LMLN: variants seen among roughly 807,000 people sequenced by gnomAD.
LMLN encodes the protein leishmanolysin like peptidase, also known as leishmanolysin-like peptidase.
Under a neutral mutation model 92.3 loss-of-function variants are expected in LMLN, and 70 were observed. The ratio of observed to expected loss-of-function variants is 0.76; its 90% CI spans 0.63 to 0.92. The LOEUF is 0.92. Among genes scored for constraint, LMLN ranks in the 40% least tolerant of loss-of-function variants. The pLI, the probability that LMLN is intolerant of heterozygous loss-of-function variation, is 0.00. For missense variants in LMLN, 691 were observed against 814.6 expected, an observed-to-expected ratio of 0.85 and a Z score of 1.85; for synonymous variants, 308 against 296.2, an observed-to-expected ratio of 1.04 and a Z score of -0.41.
chr3:197,974,118 A>T (rs1200583750), intron 1 of LMLN, among the ~76,000 whole-genome samples: 1 of 152,232 alleles, frequency 6.6e-6, no homozygotes, highest in Non-Finnish European at 1.5e-5. Context: ...AGTGACAGAG[A>T]ACCCTAAAAG....
At chr3:198,036,594 A>C (rs1560159458) in intron 15 of LMLN, among the ~76,000 whole-genome samples, 1 of 152,134 alleles carries the variant, frequency 6.6e-6, no homozygotes, top group Non-Finnish European at 1.5e-5. Context: ...GACTCCAGAG[A>C]ATGGAACTGG....
intron 13 of LMLN, among the ~76,000 whole-genome samples, chr3:198,024,370 C>T (rs149896515): frequency 0.041 from 6,176 of 151,834 alleles, 166 homozygotes; most frequent in East Asian, 0.092. Context: ...CGCCCGCCAC[C>T]GCGCCCGGCT....
intron 5 of LMLN, among the ~76,000 whole-genome samples, chr3:197,977,858 T>C (rs1170450318): frequency 6.6e-6 from 1 of 150,554 alleles, no homozygotes; most frequent in African/African-American, 2.4e-5. Context: ...TGGATACATA[T>C]AAAAATCATC....
chr3:197,975,493 A>G (rs1721345455), intron 3 of LMLN, among the ~76,000 whole-genome samples: 1 of 148,262 alleles, frequency 6.7e-6, no homozygotes, highest in South Asian at 2.1e-4. Context: ...ACGCATGCAC[A>G]CACACGCGCA....
intron 1 of LMLN, among the ~76,000 whole-genome samples, chr3:197,965,657 A>G (rs961943521): frequency 2.6e-5 from 4 of 152,220 alleles, no homozygotes; most frequent in Non-Finnish European, 4.4e-5. Context: ...ACTCATGCCT[A>G]TAAGTCTAGC....
At chr3:197,974,536 G>A in intron 2 of LMLN, 62 bp downstream of exon 2, 1 of 882,548 alleles carries the variant, frequency 1.1e-6, no homozygotes, top group Non-Finnish European at 1.7e-6. Context: ...AGATATTTTT[G>A]TCTGTTACCT....
chr3:197,982,223 C>CGT (rs1451052264), intron 6 of LMLN, among the ~76,000 whole-genome samples: 1 of 116,540 alleles, frequency 8.6e-6, no homozygotes, highest in African/African-American at 3.5e-5. Context: ...CAGTTACCTT[C>CGT]TTTTTTTTTT....
chr3:197,988,636 A>G (rs144888241), intron 8 of LMLN, among the ~76,000 whole-genome samples: 1,990 of 151,762 alleles, frequency 0.013, 44 homozygotes, highest in African/African-American at 0.045. Flanking sequence ...CTGGGACTAC[A>G]GGAGTGTGCC....
At position 198,018,012 on chromosome 3, in the gene LMLN, C is replaced by A. The variant is rs544906865; in HGVS notation, c.1233-1241C>A. On this transcript the variant is annotated intron_variant, in intron 11 of 15. Coordinates refer to ENST00000330198, the Ensembl canonical transcript of LMLN. ...CATATTGGGCAGCACAGATGTACACCTTTTCCCGCTCTCTTGACAGTGCTT... is the reference window on the plus strand; with the variant it reads ...CATATTGGGCAGCACAGATGTACACATTTTCCCGCTCTCTTGACAGTGCTT... Among the ~76,000 whole-genome samples the A allele has an allele frequency of 3.3e-5, 5 of 152,328 alleles. No homozygotes were observed. The South Asian group carries it at 1.0e-3, about 32-fold the overall frequency.
At chr3:198,034,407 C>T (rs1723155066) in intron 14 of LMLN, among the ~76,000 whole-genome samples, 1 of 151,980 alleles carries the variant, frequency 6.6e-6, no homozygotes, top group African/African-American at 2.4e-5. Context: ...GTCAGGAGTT[C>T]AAGACCAGCC....
intron 11 of LMLN, among the ~76,000 whole-genome samples, chr3:198,003,664 C>T (rs1180808073): frequency 6.4e-5 from 7 of 109,808 alleles, no homozygotes; most frequent in Middle Eastern, 5.2e-3. Context: ...ACATATCATA[C>T]GTAGTAAGTT....
intron 9 of LMLN, 43 bp from the exon 10 acceptor site, chr3:197,996,132 C>A: frequency 8.5e-7 from 1 of 1,176,752 alleles, no homozygotes; most frequent in Non-Finnish European, 1.2e-6. Flanking sequence ...TCTTACGGTA[C>A]TTTTGTACCA....
Position 197,999,255 on chromosome 3 carries a change from G to C in LMLN, c.1156-11G>C. 6.2e-7 allele frequency: 1 copy of C among 1,604,508 alleles called. No individual in the cohort carries two copies. Among genetic ancestry groups the C allele is most frequent in the Non-Finnish European group, 8.5e-7 (1 of 1,171,356 alleles). On this transcript the variant is annotated splice_polypyrimidine_tract_variant and intron_variant, in intron 10 of 15. Transcript: ENST00000330198. ...AATCTAGTCTAATTAAACCCTGTTG[G>C]TGATTTTCAGAATGAAGCGATGACT...
intron 6 of LMLN, among the ~76,000 whole-genome samples, chr3:197,982,613 C>T (rs1157243838): frequency 1.3e-5 from 2 of 152,150 alleles, no homozygotes; most frequent in Admixed American, 6.5e-5. Flanking sequence ...GAGCGGCCAA[C>T]AGATGAGGTA....
At chr3:197,975,761 A>G (rs1318214836) in intron 3 of LMLN, among the ~76,000 whole-genome samples, 2 of 152,152 alleles carry the variant, frequency 1.3e-5, no homozygotes, top group Non-Finnish European at 2.9e-5. Flanking sequence ...GTTGAGATAT[A>G]TGTTTTCTGG....
intron 11 of LMLN, among the ~76,000 whole-genome samples, chr3:198,016,417 C>A (rs1240614410): frequency 1.3e-5 from 2 of 152,158 alleles, no homozygotes; most frequent in African/African-American, 4.8e-5. Flanking sequence ...TGCCAGTTCT[C>A]AAATTTTGCT....
chr3:197,990,222 C>T (rs1721827381), intron 8 of LMLN, among the ~76,000 whole-genome samples: 1 of 151,926 alleles, frequency 6.6e-6, no homozygotes, highest in Non-Finnish European at 1.5e-5. Context: ...ACTACTGCGC[C>T]CAGCTAATTT....
chr3:198,041,840 T>A (rs1723412731), exon 16 of LMLN: 1 of 152,182 alleles, frequency 6.6e-6, no homozygotes, highest in Non-Finnish European at 1.5e-5. Flanking sequence ...TCGACTATAT[T>A]TTGACTGTTG....
chr3:197,971,680 G>C (rs1012328057), intron 1 of LMLN, among the ~76,000 whole-genome samples: 8 of 152,116 alleles, frequency 5.3e-5, no homozygotes, highest in African/African-American at 1.7e-4. Context: ...CGCCTCCCGG[G>C]TTCAAGTGAT....
Sources: allele counts gnomAD v4.1 joint callset (sites outside exome capture counted in the v4.1 genomes callset), GRCh38; gene constraint gnomAD v4.1.1; transcripts MANE v1.5; gene names NCBI Gene and HGNC (gene_info 2026-07-23, HGNC 2026-07-21).